Variants in TPO observed in about 807,000 individuals in gnomAD.
The protein encoded by TPO is thyroid peroxidase.
In TPO, 78 loss-of-function variants were observed where a neutral mutation model predicts 96.9. That is an observed-to-expected ratio of 0.81 (90% confidence interval 0.67 to 0.97). TPO has a LOEUF of 0.97. TPO is among the 50% of genes least tolerant of loss of function. The pLI, the probability that TPO is intolerant of heterozygous loss-of-function variation, is 0.00. For synonymous variants in TPO, 547 were observed against 538.0 expected (o/e 1.02, Z -0.23); for missense variants, 1,252 against 1,274.8 (o/e 0.98, Z 0.27).
At chr2:1,511,109 T>G (rs1409030733) in intron 14 of TPO, among the ~76,000 whole-genome samples, 2 of 152,136 alleles carry the variant, frequency 1.3e-5, no homozygotes, top group Non-Finnish European at 2.9e-5. Context: ...GCTTTTGCAG[T>G]GTTTTGTTCC....
chr2:1,458,480 G>A (rs116063426), intron 7 of TPO, among the ~76,000 whole-genome samples: 60 of 149,326 alleles, frequency 4.0e-4, no homozygotes, highest in African/African-American at 1.5e-3. Context: ...GTGGGCACAT[G>A]TGTTTATAGC....
intron 15 of TPO, among the ~76,000 whole-genome samples, chr2:1,537,026 TC>T (rs1679859987): frequency 5.5e-5 from 1 of 18,072 alleles, no homozygotes; most frequent in African/African-American, 3.4e-4. Context: ...TGCAACGTCC[TC>T]AAATACCCCC....
chr2:1,537,702 C>T (rs1680142191), intron 15 of TPO, among the ~76,000 whole-genome samples: 2 of 128,234 alleles, frequency 1.6e-5, no homozygotes, highest in South Asian at 2.7e-4. Flanking sequence ...TCCTCAAATC[C>T]CAACTGTGAG....
Position 1,461,246 on chromosome 2 carries a change from G to T in TPO, c.819+4964G>T, listed in dbSNP as rs140041886. Among the ~76,000 whole-genome samples the T allele has an allele frequency of 5.0e-3, 756 of 152,218 alleles. 11 individuals are homozygous for T. The highest frequency in any genetic ancestry group is 0.018 in the African/African-American group (730 of 41,526). On this transcript the variant is annotated intron_variant, in intron 7 of 16. Coordinates refer to ENST00000329066, the MANE Select transcript of TPO (RefSeq NM_001206744.2). ...TGGTTGTGGTGAGCCCCACACACCC[G>T]CCCCCAGAGGCTCCTTCCTCCACCC...
chr2:1,431,955 C>T (rs935126996), intron 3 of TPO, among the ~76,000 whole-genome samples: 11 of 152,200 alleles, frequency 7.2e-5, no homozygotes, highest in Non-Finnish European at 1.2e-4. Flanking sequence ...CACTCGCACA[C>T]CTGCCAACAC....
intron 1 of TPO, 123 bp from the exon 2 acceptor site, chr2:1,414,285 A>C (rs192516224): frequency 1.1e-6 from 1 of 928,108 alleles, no homozygotes; most frequent in Admixed American, 2.0e-5. Flanking sequence ...AGGGTCGCTC[A>C]CTGCGGTAGA....
chr2:1,537,635 TC>T (rs58909910), intron 15 of TPO, among the ~76,000 whole-genome samples: 12 of 86,730 alleles, frequency 1.4e-4, no homozygotes, highest in African/African-American at 5.4e-4. Context: ...GTGTGCAACA[TC>T]CCCAGATCCC....
chr2:1,528,778 A>C (rs1282519590), intron 15 of TPO, among the ~76,000 whole-genome samples: 43 of 20,488 alleles, frequency 2.1e-3, no homozygotes, highest in African/African-American at 3.9e-3. Flanking sequence ...AAATCCCCCC[A>C]CTGTGTGCAA....
intron 10 of TPO, among the ~76,000 whole-genome samples, chr2:1,492,444 C>T (rs1045951623): frequency 1.3e-5 from 2 of 152,040 alleles, no homozygotes; most frequent in African/African-American, 2.4e-5. Context: ...CATGAGCCAC[C>T]GCACCTGGCC....
chr2:1,499,936 G>A (rs1031724194), intron 13 of TPO, among the ~76,000 whole-genome samples: 2 of 152,356 alleles, frequency 1.3e-5, no homozygotes, highest in Middle Eastern at 3.4e-3. Flanking sequence ...ACAGTACAAA[G>A]AGCGGGGTGC....
At chr2:1,523,169 GTGCAACCTCCTCAAATCCCCCCAACTGTT>G (rs1382365050) in intron 15 of TPO, among the ~76,000 whole-genome samples, 1 of 132,448 alleles carries the variant, frequency 7.6e-6, no homozygotes, top group African/African-American at 3.0e-5. Context: ...CCCACACTGT[GTGCAACCTCCTCAAATCCCCCCAACTGTT>G]TGCAACCTCC....
intron 7 of TPO, among the ~76,000 whole-genome samples, chr2:1,476,270 C>A (rs1168931865): frequency 1.3e-5 from 2 of 152,238 alleles, no homozygotes; most frequent in South Asian, 2.1e-4. Context: ...CCTCCTAAAT[C>A]TGATAACGCC....
intron 5 of TPO, among the ~76,000 whole-genome samples, chr2:1,441,463 C>A (rs1347423661): frequency 6.6e-6 from 1 of 152,168 alleles, no homozygotes; most frequent in African/African-American, 2.4e-5. Context: ...AAATATAAAG[C>A]TTAAGATATT....
intron 5 of TPO, among the ~76,000 whole-genome samples, chr2:1,450,613 C>G (rs779181842): frequency 6.6e-6 from 1 of 152,120 alleles, no homozygotes; most frequent in African/African-American, 2.4e-5. Context: ...TCAGAGGGAC[C>G]CTTCTCAGTC....
intron 15 of TPO, among the ~76,000 whole-genome samples, chr2:1,538,269 A>T (rs1680310788): frequency 6.6e-6 from 1 of 152,094 alleles, no homozygotes; most frequent in South Asian, 2.1e-4. Flanking sequence ...AATATTTCTC[A>T]TCTTAAGGTG....
chr2:1,511,081 A>G (rs183031659), intron 14 of TPO, among the ~76,000 whole-genome samples: 1 of 152,328 alleles, frequency 6.6e-6, no homozygotes, highest in Non-Finnish European at 1.5e-5. Flanking sequence ...GCGCTGATAT[A>G]ATTATAGAGG....
intron 14 of TPO, among the ~76,000 whole-genome samples, chr2:1,506,661 T>G (rs1324964381): frequency 6.6e-6 from 1 of 152,266 alleles, no homozygotes; most frequent in Non-Finnish European, 1.5e-5. Context: ...TTCATGTGTT[T>G]TTTGGCTGCA....
chr2:1,433,696 GT>G, intron 4 of TPO, 89 bp downstream of exon 4: 4 of 1,502,764 alleles, frequency 2.7e-6, no homozygotes, highest in Middle Eastern at 2.0e-4. Context: ...CTCAGGGCAT[GT>G]TTTTTACTTG....
chr2:1,423,157 C>T lies in TPO; in HGVS notation c.179+28C>T. ...GAGCCTTGCGGAGGGGCCGCCGCCC[C>T]AAATGCCACCGACAGGCGCATCCTC... On this transcript the variant is annotated intron_variant, in intron 3 of 16. Coordinates refer to ENST00000329066, the MANE Select transcript of TPO (RefSeq NM_001206744.2). 4 of 1,607,272 alleles carry T rather than the reference C, an allele frequency of 2.5e-6. No homozygotes were observed. In the South Asian group the frequency reaches 4.4e-5, roughly 18 times the overall value.
Sources: gnomAD v4.1 joint callset for allele counts (sites outside exome capture counted in the v4.1 genomes callset) on GRCh38, gnomAD v4.1.1 for gene constraint, MANE v1.5 for transcripts, NCBI Gene and HGNC (gene_info 2026-07-23, HGNC 2026-07-21) for gene names.